ZC3H7B: variants seen among roughly 807,000 people sequenced by gnomAD.
The protein encoded by ZC3H7B is zinc finger CCCH-type containing 7B.
Under a neutral mutation model 116.0 loss-of-function variants are expected in ZC3H7B, and 35 were observed. That is an observed-to-expected ratio of 0.30 (90% CI 0.23 to 0.40). The LOEUF (loss-of-function observed/expected upper bound fraction) is 0.40. ZC3H7B is among the 10% of genes least tolerant of loss of function. The pLI is 1.00. For missense variants in ZC3H7B, 1,011 were observed against 1,321.5 expected (o/e 0.77, Z 3.64); for synonymous variants, 502 against 545.6 (o/e 0.92, Z 1.11).
chr22:41,352,687 G>A (rs192415930), intron 17 of ZC3H7B, among the ~76,000 whole-genome samples: 8 of 149,974 alleles, frequency 5.3e-5, no homozygotes, highest in East Asian at 2.0e-4. Context: ...GTGTGAACCC[G>A]GGAGGTGGAG....
In ZC3H7B at chr22:41,349,253, G is replaced by A. The variant is rs2036627618; in HGVS notation, c.1900G>A (p.Ala634Thr). 7 of 1,613,724 alleles carry A rather than the reference G, an allele frequency of 4.3e-6. No homozygotes were observed. The highest frequency in any genetic ancestry group is 5.9e-6 in the Non-Finnish European group (7 of 1,180,006). The change falls in exon 16 of 23, where the codon GCC becomes ACC. Residue 634 changes from alanine to threonine, a missense_variant. By Grantham distance (58) the Ala-to-Thr change is moderately conservative. This residue lies in a region of ZC3H7B where 406 missense variants were observed against 590.2 expected (regional missense o/e 0.69). Transcript: ENST00000352645. The surrounding 1 kb of genome is among the most constrained non-coding windows in gnomAD (Gnocchi z 4.9). Reference protein sequence around the residue: ...GCLREDSCHFAHSFIELKVWL... With the variant: ...GCLREDSCHFTHSFIELKVWL... ...CCTGCGGGAGGACAGCTGCCACTTC[G>A]CCCACAGCTTCATCGAGCTCAAGGT... is the stretch of plus-strand genomic sequence containing the variant.
rs761466979 is a variant in ZC3H7B at position 41,349,116 on chromosome 22, C to G, written c.1767-4C>G. On this transcript the variant is annotated splice_region_variant and splice_polypyrimidine_tract_variant and intron_variant, in intron 15 of 22. Coordinates refer to ENST00000352645, the MANE Select transcript of ZC3H7B (RefSeq NM_017590.6). This position sits in a 1 kb window ranked among gnomAD's most constrained non-coding sequence, Gnocchi z 4.9. ...CGTGCCCCTCCTGCCTGCCCGCCCGCCAGGTGCCTGGTGCACATCGTCCGC... is the reference window on the plus strand; with the variant it reads ...CGTGCCCCTCCTGCCTGCCCGCCCGGCAGGTGCCTGGTGCACATCGTCCGC... 1.9e-6 allele frequency: 3 copies of G among 1,613,280 alleles called. No homozygotes were observed. In the South Asian group the frequency reaches 3.3e-5, roughly 18 times the overall value.
chr22:41,329,357 C>G (rs914403364), intron 5 of ZC3H7B, among the ~76,000 whole-genome samples: 1 of 148,748 alleles, frequency 6.7e-6, no homozygotes, highest in Non-Finnish European at 1.5e-5. Context: ...CTCCTGAGTT[C>G]AAGCGATTCT....
At chr22:41,312,870 C>T (rs6002327) in intron 1 of ZC3H7B, among the ~76,000 whole-genome samples, 6,172 of 152,112 alleles carry the variant, frequency 0.041, 412 homozygotes, top group African/African-American at 0.14. Context: ...CCAGCTTAGG[C>T]GGCAGAGATC....
At chr22:41,335,489 C>T (rs2036432864) in intron 7 of ZC3H7B, 1 of 152,274 alleles carries the variant, frequency 6.6e-6, no homozygotes, top group East Asian at 1.9e-4. Context: ...TGACTTTGTC[C>T]TGCGTGGCCT....
chr22:41,341,263 A>G, intron 11 of ZC3H7B, 117 bp downstream of exon 11: 2 of 1,239,912 alleles, frequency 1.6e-6, no homozygotes, highest in African/African-American at 1.5e-5. Context: ...ACGGCGGGGC[A>G]CTCCCAGAGT....
intron 13 of ZC3H7B, among the ~76,000 whole-genome samples, chr22:41,345,517 G>A (rs941070595): frequency 2.0e-5 from 3 of 152,118 alleles, no homozygotes; most frequent in Non-Finnish European, 4.4e-5. Flanking sequence ...TCCAGGAGGC[G>A]GAGGTTGCAG....
intron 1 of ZC3H7B, among the ~76,000 whole-genome samples, chr22:41,319,612 G>A (rs2036229392): frequency 6.7e-6 from 1 of 148,876 alleles, no homozygotes; most frequent in Non-Finnish European, 1.5e-5. Context: ...CTCTCAGACT[G>A]CTCAGAATTA....
rs1350031585 is a variant in ZC3H7B, at chr22:41,337,868, C to CT, written c.583-428dup. Among the ~76,000 whole-genome samples, 1,236 of 136,320 alleles carry CT rather than the reference C, an allele frequency of 9.1e-3. 13 individuals are homozygous for CT. The highest frequency in any genetic ancestry group is 0.026 in the African/African-American group (982 of 37,304). The allele number at this position is 136,320 out of a possible 152,430, so 89.4% of individuals were successfully genotyped here. On this transcript the variant is annotated intron_variant, in intron 7 of 22. Coordinates refer to ENST00000352645, the MANE Select transcript of ZC3H7B (RefSeq NM_017590.6). ...GGTGAGGACCCAGCACGTGTGAGGG[C>CT]TTTTTTTTTTTTTTTTTGAGGTAGA...
chr22:41,351,483 T>C lies in ZC3H7B; in HGVS notation c.1949-78T>C. On this transcript the variant is annotated intron_variant, in intron 16 of 22. Transcript: ENST00000352645. This position sits in a 1 kb window ranked among gnomAD's most constrained non-coding sequence, Gnocchi z 5.1. ...CCTCCAGCTGGGCCTCGGGGGTCCC[T>C]GGCACCTCGTGGACCCCCTGCCTCC... The C allele has an allele frequency of 8.8e-6, 12 of 1,356,038 alleles. No homozygotes were observed. Among genetic ancestry groups the C allele is most frequent in the Non-Finnish European group, 1.2e-5 (12 of 982,358 alleles). The allele number at this position is 1,356,038 out of a possible 1,614,324, so 84.0% of individuals were successfully genotyped here. A position where few individuals can be genotyped will look rare whatever the true frequency, so the allele number is the denominator to read the frequency against.
chr22:41,312,925 A>G (rs2036135774), intron 1 of ZC3H7B, among the ~76,000 whole-genome samples: 1 of 152,162 alleles, frequency 6.6e-6, no homozygotes, highest in Non-Finnish European at 1.5e-5. Context: ...ATGCAAATAT[A>G]ATTGAGTACA....
At chr22:41,315,985 A>C (rs1274473250) in intron 1 of ZC3H7B, among the ~76,000 whole-genome samples, 3 of 150,654 alleles carry the variant, frequency 2.0e-5, no homozygotes, top group Non-Finnish European at 4.4e-5. Context: ...TTCTATCCAA[A>C]TAGTTTTTTT....
intron 1 of ZC3H7B, among the ~76,000 whole-genome samples, chr22:41,317,492 C>T (rs1026237924): frequency 2.6e-5 from 4 of 152,034 alleles, no homozygotes; most frequent in Non-Finnish European, 5.9e-5. Context: ...TAACACCCTC[C>T]CTATAAGAAT....
chr22:41,330,786 A>C (rs973720769), intron 6 of ZC3H7B, among the ~76,000 whole-genome samples: 1 of 151,816 alleles, frequency 6.6e-6, no homozygotes, highest in Admixed American at 6.6e-5. Flanking sequence ...TACTAAAAAT[A>C]CAAAAATTAG....
intron 15 of ZC3H7B, 45 bp downstream of exon 15, chr22:41,348,212 A>G: frequency 6.4e-7 from 1 of 1,560,962 alleles, no homozygotes; most frequent in Non-Finnish European, 8.8e-7. Context: ...GGGCCAGTGG[A>G]GAGTCCCCTC....
intron 2 of ZC3H7B, among the ~76,000 whole-genome samples, chr22:41,322,893 C>A (rs932849788): frequency 6.6e-6 from 1 of 152,108 alleles, no homozygotes; most frequent in East Asian, 1.9e-4. Flanking sequence ...CAGCCTCCCA[C>A]GTAGCTGGGA....
At chr22:41,325,490 A>G in intron 2 of ZC3H7B, 74 bp from the exon 3 acceptor site, 2 of 1,558,320 alleles carry the variant, frequency 1.3e-6, no homozygotes, top group South Asian at 2.3e-5. Context: ...TCTGAGTTGG[A>G]GGAGTAGCTC....
At chr22:41,326,397 TC>T (rs966363164) in intron 4 of ZC3H7B, among the ~76,000 whole-genome samples, 1 of 150,816 alleles carries the variant, frequency 6.6e-6, no homozygotes, top group Admixed American at 6.6e-5. Flanking sequence ...CGTAGCCTCC[TC>T]ACTGTTCCTC....
intron 5 of ZC3H7B, among the ~76,000 whole-genome samples, chr22:41,329,031 C>CA (rs905189346): frequency 0.065 from 2,624 of 40,378 alleles, 20 homozygotes; most frequent in Non-Finnish European, 0.094. Flanking sequence ...TACTAAAATA[C>CA]AAAAAAAAAA....
Sources: allele counts gnomAD v4.1 joint callset (sites outside exome capture counted in the v4.1 genomes callset), GRCh38; gene constraint gnomAD v4.1.1; regional missense constraint gnomAD v4.1.1; non-coding constraint Gnocchi (gnomAD v3.1); transcripts MANE v1.5; gene names NCBI Gene and HGNC (gene_info 2026-07-23, HGNC 2026-07-21).